FHIT: variants seen among roughly 807,000 people sequenced by gnomAD.
FHIT encodes the protein bis(5'-adenosyl)-triphosphatase.
Under a neutral mutation model 17.9 loss-of-function variants are expected in FHIT, and 19 were observed. That is an observed-to-expected ratio of 1.06 (90% CI 0.74 to 1.56). FHIT has a LOEUF of 1.56. Ranked by LOEUF, FHIT falls within the 40% of genes most tolerant of loss-of-function variation. FHIT has a pLI of 0.00. For synonymous variants in FHIT, 81 were observed against 69.7 expected, an observed-to-expected ratio of 1.16 and a Z score of -0.81; for missense variants, 248 against 189.2, an observed-to-expected ratio of 1.31 and a Z score of -1.82.
chr3:60,290,401 C>T (rs370143394), intron 5 of FHIT, among the ~76,000 whole-genome samples: 2 of 152,092 alleles, frequency 1.3e-5, no homozygotes, highest in East Asian at 2.0e-4. Context: ...ATCCTTTTCA[C>T]CCTTTCTCTG....
chr3:60,947,098 G>A (rs551443314), intron 3 of FHIT, among the ~76,000 whole-genome samples: 1 of 152,294 alleles, frequency 6.6e-6, no homozygotes, highest in South Asian at 2.1e-4. Flanking sequence ...GAGGAAAAGG[G>A]CAAGGGCAGG....
intron 4 of FHIT, among the ~76,000 whole-genome samples, chr3:60,547,902 G>A (rs2036421138): frequency 6.6e-6 from 1 of 152,118 alleles, no homozygotes; most frequent in African/African-American, 2.4e-5. Context: ...TCCAAGCTGT[G>A]AACAGGAACT....
chr3:59,817,974 G>A (rs1575544135), intron 8 of FHIT, among the ~76,000 whole-genome samples: 2 of 152,096 alleles, frequency 1.3e-5, no homozygotes. Context: ...GAGAGGAAGG[G>A]AGGGAGAAAC....
intron 3 of FHIT, among the ~76,000 whole-genome samples, chr3:61,013,524 T>C (rs2031912668): frequency 1.3e-5 from 2 of 152,224 alleles, no homozygotes; most frequent in South Asian, 4.1e-4. Context: ...TACAAATGCA[T>C]TGCTTTGATT....
chr3:60,618,042 T>TAA (rs34225061), intron 4 of FHIT: 193 of 158,504 alleles, frequency 1.2e-3, no homozygotes, highest in Middle Eastern at 6.1e-3. Context: ...ACTCTGGAGT[T>TAA]AAAAAAAAAA....
chr3:60,388,625 C>A (rs532198431), intron 5 of FHIT, among the ~76,000 whole-genome samples: 10 of 152,196 alleles, frequency 6.6e-5, no homozygotes, highest in African/African-American at 1.9e-4. Context: ...CACACAAGAC[C>A]TAAACCTGAT....
intron 3 of FHIT, among the ~76,000 whole-genome samples, chr3:60,867,539 A>G (rs1296527597): frequency 2.6e-5 from 4 of 152,152 alleles, no homozygotes; most frequent in African/African-American, 7.2e-5. Flanking sequence ...GGCAGATACT[A>G]TTACAGATAC....
At position 60,424,781 on chromosome 3, in the gene FHIT, GA is replaced by G. The variant is rs74399914; in HGVS notation, c.103+112078del. Among the ~76,000 whole-genome samples the G allele has an allele frequency of 9.6e-3, 1,450 of 150,680 alleles. 13 individuals are homozygous for G. The highest frequency in any genetic ancestry group is 0.037 in the East Asian group (189 of 5,104). Reference sequence around the variant, plus strand: ...AACTTTTAATGTAGCATTGTGAAAAGAAAAAAAAATGCTATAAAATCCAACC... The same window carrying G: ...AACTTTTAATGTAGCATTGTGAAAAGAAAAAAAATGCTATAAAATCCAACC... On this transcript the variant is annotated intron_variant, in intron 5 of 9. Transcript: ENST00000492590.
intron 3 of FHIT, among the ~76,000 whole-genome samples, chr3:60,863,213 G>A (rs1704000539): frequency 6.6e-6 from 1 of 152,176 alleles, no homozygotes; most frequent in Non-Finnish European, 1.5e-5. Context: ...TAAGGGTGGA[G>A]CCCTGCCTAA....
At chr3:61,059,164 C>A (rs1241884602) in intron 2 of FHIT, among the ~76,000 whole-genome samples, 1 of 152,170 alleles carries the variant, frequency 6.6e-6, no homozygotes, top group Non-Finnish European at 1.5e-5. Context: ...ATTTTAAAAT[C>A]GTCCATTTGA....
chr3:59,843,974 A>T (rs1701625526), intron 8 of FHIT, among the ~76,000 whole-genome samples: 1 of 152,082 alleles, frequency 6.6e-6, no homozygotes, highest in Non-Finnish European at 1.5e-5. Flanking sequence ...GTGTGTTCTC[A>T]TGAGATCTGT....
intron 7 of FHIT, among the ~76,000 whole-genome samples, chr3:60,003,114 T>C (rs531406171): frequency 6.6e-6 from 1 of 152,260 alleles, no homozygotes; most frequent in South Asian, 2.1e-4. Context: ...CTTTAAATAA[T>C]AGAATCAACA....
At chr3:60,630,755 A>G (rs1450672308) in intron 4 of FHIT, among the ~76,000 whole-genome samples, 2 of 152,054 alleles carry the variant, frequency 1.3e-5, no homozygotes, top group African/African-American at 4.8e-5. Flanking sequence ...CCTCTCACCC[A>G]AGACTGACCC....
intron 4 of FHIT, among the ~76,000 whole-genome samples, chr3:60,793,184 A>C (rs1553729097): frequency 1.3e-5 from 2 of 152,204 alleles, no homozygotes; most frequent in African/African-American, 4.8e-5. Context: ...ATTTACATAC[A>C]TATGACATTC....
At chr3:61,159,131 A>T (rs2037616762) in intron 2 of FHIT, among the ~76,000 whole-genome samples, 1 of 152,200 alleles carries the variant, frequency 6.6e-6, no homozygotes, top group African/African-American at 2.4e-5. Flanking sequence ...TATTCTAATA[A>T]ATAATTTAAA....
At chr3:60,125,402 C>T (rs996025840) in intron 5 of FHIT, among the ~76,000 whole-genome samples, 10 of 152,032 alleles carry the variant, frequency 6.6e-5, no homozygotes, top group East Asian at 1.9e-4. Context: ...GAGGCTGAGG[C>T]GGTCGGATCG....
chr3:61,135,379 A>C (rs933851400), intron 2 of FHIT, among the ~76,000 whole-genome samples: 4 of 152,246 alleles, frequency 2.6e-5, no homozygotes, highest in Admixed American at 6.5e-5. Context: ...TTTATTGAGC[A>C]CTTACTATGT....
chr3:60,206,145 A>G (rs369600569), intron 5 of FHIT, among the ~76,000 whole-genome samples: 2 of 135,992 alleles, frequency 1.5e-5, no homozygotes, highest in African/African-American at 5.4e-5. Flanking sequence ...AAAAAAAAAA[A>G]AATAAATAAT....
intron 5 of FHIT, among the ~76,000 whole-genome samples, chr3:60,136,296 G>C (rs17062315): frequency 0.16 from 24,094 of 152,096 alleles, 3,162 homozygotes; most frequent in African/African-American, 0.36. Context: ...GAATGCAAGT[G>C]TAACTAGTAA....
Sources: allele counts gnomAD v4.1 joint callset (sites outside exome capture counted in the v4.1 genomes callset), GRCh38; gene constraint gnomAD v4.1.1; transcripts MANE v1.5; gene names NCBI Gene and HGNC (gene_info 2026-07-23, HGNC 2026-07-21).